Variants in DYNC2H1 observed in about 807,000 individuals in gnomAD.
DYNC2H1 encodes the protein cytoplasmic dynein 2 heavy chain 1.
Under a neutral mutation model 570.0 loss-of-function variants are expected in DYNC2H1, and 410 were observed. The observed-to-expected ratio is 0.72, with a 90% CI of 0.66 to 0.78. The LOEUF is 0.78. Among genes scored for constraint, DYNC2H1 ranks in the 30% least tolerant of loss-of-function variants. The pLI, the probability that DYNC2H1 is intolerant of heterozygous loss-of-function variation, is 0.00. For missense variants in DYNC2H1, 4,865 were observed against 5,046.4 expected, an observed-to-expected ratio of 0.96 and a Z score of 1.09; for synonymous variants, 1,688 against 1,677.6, an observed-to-expected ratio of 1.01 and a Z score of -0.15.
At chr11:103,468,821 C>G in intron 88 of DYNC2H1, 116 bp downstream of exon 88, 1 of 723,274 alleles carries the variant, frequency 1.4e-6, no homozygotes, top group South Asian at 2.4e-5. Flanking sequence ...ATCTCACCTG[C>G]ATTTGAACAA....
chr11:103,333,503 A>G (rs1938937452), intron 82 of DYNC2H1, among the ~76,000 whole-genome samples: 1 of 152,104 alleles, frequency 6.6e-6, no homozygotes, highest in African/African-American at 2.4e-5. Context: ...TGACCTTGTG[A>G]TCCTCCCACC....
At chr11:103,450,012 A>G (rs1042162396) in intron 85 of DYNC2H1, among the ~76,000 whole-genome samples, 1 of 152,208 alleles carries the variant, frequency 6.6e-6, no homozygotes, top group African/African-American at 2.4e-5. Context: ...TGATAGAAAA[A>G]GATGTATCAT....
intron 84 of DYNC2H1, among the ~76,000 whole-genome samples, chr11:103,421,189 T>C (rs996215794): frequency 6.6e-6 from 1 of 152,058 alleles, no homozygotes; most frequent in Non-Finnish European, 1.5e-5. Context: ...CTATCTCAAA[T>C]AGATATGCAC....
intron 82 of DYNC2H1, among the ~76,000 whole-genome samples, chr11:103,348,636 C>A (rs553290345): frequency 1.3e-5 from 2 of 152,034 alleles, no homozygotes; most frequent in African/African-American, 4.8e-5. Context: ...GGAGCTTTTC[C>A]TTTTTATTGC....
At chr11:103,282,871 G>A in intron 72 of DYNC2H1, 137 bp from the exon 73 acceptor site, 1 of 641,940 alleles carries the variant, frequency 1.6e-6, no homozygotes, top group South Asian at 2.3e-5. Flanking sequence ...ATGGTGACTT[G>A]TAAAATACAT....
At chr11:103,284,698 G>T (rs1001799844) in intron 73 of DYNC2H1, among the ~76,000 whole-genome samples, 10 of 152,228 alleles carry the variant, frequency 6.6e-5, no homozygotes, top group African/African-American at 2.4e-4. Flanking sequence ...GTTACATAAT[G>T]AAATTTGGGC....
chr11:103,220,835 C>T, intron 57 of DYNC2H1, 52 bp downstream of exon 57: 1 of 1,506,434 alleles, frequency 6.6e-7, no homozygotes, highest in Non-Finnish European at 9.0e-7. Context: ...ATGACACATT[C>T]TTTCGTAGTT....
rs200762072 is a variant in DYNC2H1, at chr11:103,185,043, A to G, written c.6625A>G (p.Thr2209Ala). Residue 2209 changes from threonine (T) to alanine (A), a missense_variant, in exon 41 of 89, where the codon ACC (threonine) becomes GCC (alanine). Thr to Ala is a moderately conservative substitution (Grantham distance 58). Transcript: ENST00000375735. This position sits in a 1 kb window ranked among gnomAD's most constrained non-coding sequence, Gnocchi z 4.5. ...GAATATGAAGTCACGTTTGGAATTT[A>G]CCAAAGAGGTAATGCATATTTATAG... ...NLNMKSRLEF[T>A]KEVFHWARES... 10 of 1,609,216 alleles carry G rather than the reference A, an allele frequency of 6.2e-6. No individual in the cohort carries two copies. The South Asian group carries it at 1.1e-4, about 18-fold the overall frequency.
intron 15 of DYNC2H1, among the ~76,000 whole-genome samples, chr11:103,134,917 AAT>A (rs1297674787): frequency 3.3e-5 from 5 of 152,166 alleles, no homozygotes; most frequent in African/African-American, 7.2e-5. Context: ...ATCTTAGCAG[AAT>A]ATGAGTTAGA....
chr11:103,155,758 G>A (rs943856335), intron 25 of DYNC2H1, among the ~76,000 whole-genome samples: 5 of 152,126 alleles, frequency 3.3e-5, no homozygotes, highest in African/African-American at 1.2e-4. Context: ...AAAGCTCTCA[G>A]GTAAAAGTAA....
intron 85 of DYNC2H1, among the ~76,000 whole-genome samples, chr11:103,451,089 G>A (rs529769): frequency 0.36 from 54,047 of 151,652 alleles, 10,209 homozygotes; most frequent in African/African-American, 0.48. Context: ...AATTATATTA[G>A]ATATTTTTCC....
chr11:103,436,062 G>A (rs1283057419), intron 85 of DYNC2H1, 30 bp downstream of exon 85: 1 of 1,590,404 alleles, frequency 6.3e-7, no homozygotes, highest in Non-Finnish European at 8.6e-7. Context: ...TAAGTGGGTT[G>A]TCTGACTGTG....
At position 103,211,954 on chromosome 11, in the gene DYNC2H1, G is replaced by A; in HGVS notation, c.8694+11G>A. On this transcript the variant is annotated intron_variant, in intron 54 of 88. Coordinates refer to ENST00000375735, the MANE Select transcript of DYNC2H1 (RefSeq NM_001377.3). Reference sequence around the variant, plus strand: ...CAAAGTCATTTGCAGGTATAGTATTGGTAATCTTGAATTATTTTATCTATA... The same window carrying A: ...CAAAGTCATTTGCAGGTATAGTATTAGTAATCTTGAATTATTTTATCTATA... 2.0e-6 allele frequency: 3 copies of A among 1,494,666 alleles called. No homozygotes were observed. The highest frequency in any genetic ancestry group is 2.7e-6 in the Non-Finnish European group (3 of 1,121,922). 92.6% of individuals were successfully genotyped at this position (1,494,666 alleles called of 1,614,324 possible).
At chr11:103,207,271 T>G in intron 52 of DYNC2H1, among the ~76,000 whole-genome samples, 2 of 149,670 alleles carry the variant, frequency 1.3e-5, no homozygotes, top group Non-Finnish European at 3.0e-5. Context: ...CTATAGTATG[T>G]TCATATGCTG....
At chr11:103,223,196 CA>C in intron 59 of DYNC2H1, 110 bp downstream of exon 59, 19 of 1,092,210 alleles carry the variant, frequency 1.7e-5, no homozygotes, top group Non-Finnish European at 2.3e-5. Flanking sequence ...TGGCAGTTGA[CA>C]ATACTAAAAT....
intron 11 of DYNC2H1, 29 bp downstream of exon 11, chr11:103,123,029 T>G (rs747118415): frequency 3.1e-6 from 4 of 1,303,210 alleles, no homozygotes. Flanking sequence ...AACTGTAAAA[T>G]CCAAAACCAT....
rs1230646638 is a variant in DYNC2H1 at position 103,239,786 on chromosome 11, A to T, written c.9819+3247A>T. On this transcript the variant is annotated intron_variant, in intron 63 of 88. Transcript: ENST00000375735. This position sits in a 1 kb window ranked among gnomAD's most constrained non-coding sequence, Gnocchi z 4.3. The stretch of plus-strand genomic sequence containing the variant: ...TTTTGCATTTGTCCCATTTATAAGT[A>T]TTGAAAATAGACATAACATTATAGG... Among the ~76,000 whole-genome samples, 1 of 152,158 alleles carries T rather than the reference A, an allele frequency of 6.6e-6. No individual in the cohort carries two copies. Among genetic ancestry groups the T allele is most frequent in the African/African-American group, 2.4e-5 (1 of 41,438 alleles).
At chr11:103,278,033 C>G (rs1290409279) in intron 70 of DYNC2H1, among the ~76,000 whole-genome samples, 1 of 152,170 alleles carries the variant, frequency 6.6e-6, no homozygotes, top group Non-Finnish European at 1.5e-5. Context: ...CTGTTTTCCT[C>G]TAAGGCAGCC....
At chr11:103,431,629 A>C (rs1943898391) in intron 84 of DYNC2H1, among the ~76,000 whole-genome samples, 1 of 152,182 alleles carries the variant, frequency 6.6e-6, no homozygotes, top group Non-Finnish European at 1.5e-5. Flanking sequence ...GAACCATTAC[A>C]ATCAACACAT....
Sources: allele counts gnomAD v4.1 joint callset (sites outside exome capture counted in the v4.1 genomes callset), GRCh38; gene constraint gnomAD v4.1.1; non-coding constraint Gnocchi (gnomAD v3.1); transcripts MANE v1.5; gene names NCBI Gene and HGNC (gene_info 2026-07-23, HGNC 2026-07-21).